PLD5: variants seen among roughly 807,000 people sequenced by gnomAD.
PLD5 encodes the protein phospholipase D family member 5, also known as inactive phospholipase D5.
PLD5 carries 36 observed loss-of-function variants against 61.1 expected under a neutral mutation model. The observed-to-expected ratio is 0.59, with a 90% confidence interval of 0.45 to 0.78. PLD5 has a LOEUF of 0.78. Among genes scored for constraint, PLD5 ranks in the 30% least tolerant of loss-of-function variants. The probability of loss-of-function intolerance (pLI) is 0.00; values close to 1 mark genes in which losing one functional copy is unlikely to be tolerated. For missense variants in PLD5, 515 were observed against 644.4 expected (o/e 0.80, Z 2.17); for synonymous variants, 243 against 242.8 (o/e 1.00, Z -0.01).
chr1:242,185,739 A>C (rs1299855488), intron 5 of PLD5, among the ~76,000 whole-genome samples: 2 of 152,222 alleles, frequency 1.3e-5, no homozygotes, highest in Non-Finnish European at 2.9e-5. Context: ...CATCATTGAA[A>C]TAGAATGAAA....
At chr1:242,274,932 T>C (rs1674328223) in intron 3 of PLD5, among the ~76,000 whole-genome samples, 1 of 152,176 alleles carries the variant, frequency 6.6e-6, no homozygotes, top group African/African-American at 2.4e-5. Flanking sequence ...GGGGAAATGA[T>C]ACTCTGACAT....
intron 1 of PLD5, among the ~76,000 whole-genome samples, chr1:242,352,730 A>G (rs1177810536): frequency 2.0e-5 from 3 of 152,188 alleles, no homozygotes; most frequent in Admixed American, 6.5e-5. Flanking sequence ...TTTTGATGAT[A>G]GCCACTCTAA....
At chr1:242,465,166 G>A (rs10047069) in intron 1 of PLD5, among the ~76,000 whole-genome samples, 104,771 of 152,064 alleles carry the variant, frequency 0.69, 36,839 homozygotes, top group African/African-American at 0.83. Context: ...CTCAATTAAG[G>A]AAAGAGAATC....
chr1:242,285,944 C>T (rs1674996431), intron 3 of PLD5, among the ~76,000 whole-genome samples: 2 of 152,020 alleles, frequency 1.3e-5, no homozygotes, highest in South Asian at 4.2e-4. Context: ...CTCCTCTCTA[C>T]TAAAAATATG....
At chr1:242,363,358 A>C (rs1215427906) in intron 1 of PLD5, among the ~76,000 whole-genome samples, 1 of 151,482 alleles carries the variant, frequency 6.6e-6, no homozygotes, top group Non-Finnish European at 1.5e-5. Context: ...GAAAAAAATT[A>C]AAAAATCATA....
intron 6 of PLD5, among the ~76,000 whole-genome samples, chr1:242,121,849 C>G (rs1408535538): frequency 6.6e-6 from 1 of 150,550 alleles, no homozygotes; most frequent in Non-Finnish European, 1.5e-5. Context: ...GGACAGAAAA[C>G]CAAACACCGC....
In PLD5 at chr1:242,288,550, A is replaced by G. The variant is rs1675164546; in HGVS notation, c.327-20T>C. On this transcript the variant is annotated intron_variant, in intron 2 of 9. Transcript: ENST00000536534. ...GCAATTCTTAGAAAAGATTTTGAAAAACAAACAAACAAAATCTAGTCAAAT... is the reference window on the plus strand; with the variant it reads ...GCAATTCTTAGAAAAGATTTTGAAAGACAAACAAACAAAATCTAGTCAAAT... 1 of 1,591,510 alleles carries G rather than the reference A, an allele frequency of 6.3e-7. No homozygotes were observed. Among genetic ancestry groups the G allele is most frequent in the African/African-American group, 1.4e-5 (1 of 73,786 alleles).
At chr1:242,269,694 G>C (rs893946582) in intron 3 of PLD5, among the ~76,000 whole-genome samples, 2 of 152,138 alleles carry the variant, frequency 1.3e-5, no homozygotes, top group Non-Finnish European at 2.9e-5. Context: ...GCTTCCAGGT[G>C]GGGAAGGCAA....
chr1:242,102,658 T>C (rs1660772264), intron 8 of PLD5, among the ~76,000 whole-genome samples: 1 of 152,170 alleles, frequency 6.6e-6, no homozygotes, highest in Non-Finnish European at 1.5e-5. Context: ...TTGTCAGTGC[T>C]CCCAGGCTCC....
At chr1:242,507,511 A>G (rs1216229898) in intron 1 of PLD5, among the ~76,000 whole-genome samples, 1 of 152,212 alleles carries the variant, frequency 6.6e-6, no homozygotes, top group African/African-American at 2.4e-5. Flanking sequence ...AAAATGTTAA[A>G]TTATCCATGT....
intron 4 of PLD5, among the ~76,000 whole-genome samples, chr1:242,250,922 C>T (rs1383297463): frequency 2.0e-5 from 3 of 152,190 alleles, no homozygotes; most frequent in African/African-American, 7.2e-5. Context: ...TAAGACTGCA[C>T]ATGTAGAAGT....
At chr1:242,355,730 A>G (rs1412405079) in intron 1 of PLD5, among the ~76,000 whole-genome samples, 3 of 152,072 alleles carry the variant, frequency 2.0e-5, no homozygotes, top group East Asian at 3.8e-4. Context: ...ATAGGCACTT[A>G]TTGCTACAGA....
chr1:242,185,462 T>C (rs1261903945), intron 5 of PLD5, among the ~76,000 whole-genome samples: 4 of 152,222 alleles, frequency 2.6e-5, no homozygotes, highest in Non-Finnish European at 4.4e-5. Flanking sequence ...CTTTTCATAA[T>C]TTTGACTTAG....
chr1:242,527,143 T>G (rs1669467871), upstream of PLD5, among the ~76,000 whole-genome samples: 1 of 96,330 alleles, frequency 1.0e-5, no homozygotes, highest in Non-Finnish European at 2.1e-5. Flanking sequence ...TTTTTTTTTT[T>G]TTTTTGAGAT....
intron 4 of PLD5, among the ~76,000 whole-genome samples, chr1:242,240,603 A>C (rs1671938361): frequency 6.6e-6 from 1 of 152,182 alleles, no homozygotes; most frequent in African/African-American, 2.4e-5. Context: ...TAAATATGTA[A>C]GAAACATCAG....
At chr1:242,385,818 C>A (rs1662567966) in intron 1 of PLD5, among the ~76,000 whole-genome samples, 1 of 152,110 alleles carries the variant, frequency 6.6e-6, no homozygotes, top group Non-Finnish European at 1.5e-5. Flanking sequence ...TGCATGGTGC[C>A]AAATACTACT....
intron 1 of PLD5, among the ~76,000 whole-genome samples, chr1:242,410,678 T>C (rs913147728): frequency 6.6e-6 from 1 of 152,082 alleles, no homozygotes; most frequent in Non-Finnish European, 1.5e-5. Flanking sequence ...GTATTTAGCT[T>C]AGGTATTTTG....
intron 2 of PLD5, among the ~76,000 whole-genome samples, chr1:242,298,166 A>T (rs1465434564): frequency 6.6e-6 from 1 of 152,088 alleles, no homozygotes; most frequent in East Asian, 1.9e-4. Context: ...CATGATAGTG[A>T]GTTTGAGTTG....
At chr1:242,272,646 T>A (rs1359874720) in intron 3 of PLD5, among the ~76,000 whole-genome samples, 1 of 152,306 alleles carries the variant, frequency 6.6e-6, no homozygotes, top group East Asian at 1.9e-4. Flanking sequence ...ACTCTTAGAT[T>A]GTCCTTATAC....
Sources: allele counts gnomAD v4.1 joint callset (sites outside exome capture counted in the v4.1 genomes callset), GRCh38; gene constraint gnomAD v4.1.1; transcripts MANE v1.5; gene names NCBI Gene and HGNC (gene_info 2026-07-23, HGNC 2026-07-21).